MC4R: variants seen among roughly 807,000 people sequenced by gnomAD.
The protein encoded by MC4R is melanocortin 4 receptor, also known as melanocortin receptor 4.
MC4R carries 15 observed loss-of-function variants against 16.1 expected under a neutral mutation model. The observed-to-expected ratio is 0.93, with a 90% confidence interval of 0.62 to 1.44. The LOEUF (loss-of-function observed/expected upper bound fraction) is 1.44. Ranked by LOEUF, MC4R falls within the 40% of genes most tolerant of loss-of-function variation. The probability of loss-of-function intolerance (pLI) is 0.00; values close to 1 mark genes in which losing one functional copy is unlikely to be tolerated. For missense variants in MC4R, 416 were observed against 411.4 expected (o/e 1.01, Z -0.10); for synonymous variants, 162 against 151.7 (o/e 1.07, Z -0.50).
rs750662653 is a variant in MC4R at position 60,372,408 on chromosome 18, C to A, written c.-59G>T. The A allele has an allele frequency of 1.9e-6, 3 of 1,580,742 alleles. No homozygotes were observed. The African/African-American group carries it at 4.0e-5, about 21-fold the overall frequency. On this transcript the variant is annotated 5_prime_UTR_variant, in exon 1 of 1. Transcript: ENST00000299766. ...GATTTAACCTCCTGGGTCAGGGAGT[C>A]GTCTCAGTTATTTCCTCCAAGTCTT...
chr18:60,371,414 G>A lies in MC4R; in HGVS notation c.936C>T (p.Thr312=). Residue 312 remains threonine, a synonymous_variant, in exon 1 of 1, where the codon ACC becomes ACT. Coordinates refer to ENST00000299766, the MANE Select transcript of MC4R (RefSeq NM_005912.3). ...YALRSQELRK[T]FKEIICCYPL... ...GATAGCAACAGATGATCTCTTTGAA[G>A]GTTTTCCTCAGTTCTTGACTCCGGA... The A allele has an allele frequency of 6.2e-7, 1 of 1,614,168 alleles. No homozygotes were observed. Among genetic ancestry groups the A allele is most frequent in the Non-Finnish European group, 8.5e-7 (1 of 1,180,002 alleles).
Position 60,372,423 on chromosome 18 carries a change from C to T in MC4R, c.-74G>A. On this transcript the variant is annotated 5_prime_UTR_variant, in exon 1 of 1. Coordinates refer to ENST00000299766, the MANE Select transcript of MC4R (RefSeq NM_005912.3). ...GTCAGGGAGTCGTCTCAGTTATTTCCTCCAAGTCTTTATCTGTCTGAAAGT... is the reference window on the plus strand; with the variant it reads ...GTCAGGGAGTCGTCTCAGTTATTTCTTCCAAGTCTTTATCTGTCTGAAAGT... 1.3e-6 allele frequency: 2 copies of T among 1,525,210 alleles called. No individual in the cohort carries two copies. The highest frequency in any genetic ancestry group is 2.3e-5 in the East Asian group (1 of 43,356). The allele number at this position is 1,525,210 out of a possible 1,614,324, so 94.5% of individuals were successfully genotyped here. A position where few individuals can be genotyped will look rare whatever the true frequency, so the allele number is the denominator to read the frequency against.
Position 60,372,196 on chromosome 18 carries a change from C to G in MC4R, c.154G>C (p.Val52Leu). The part of the protein sequence containing the change: ...EQLFVSPEVF[V>L]TLGVISLLEN... ...AACAAGCTGATGACACCCAGAGTCA[C>G]AAACACCTCAGGAGAGACAAAAAGT... The change falls in exon 1 of 1, where the codon GTG becomes CTG. Residue 52 changes from valine (V) to leucine (L), a missense_variant. Transcript: ENST00000299766. The G allele has an allele frequency of 1.9e-6, 3 of 1,614,262 alleles. No individual in the cohort carries two copies. The highest frequency in any genetic ancestry group is 2.5e-6 in the Non-Finnish European group (3 of 1,180,044).
rs1305385636 is a variant in MC4R at position 60,372,640 on chromosome 18, C to T, written c.-291G>A. 1.1e-5 allele frequency: 5 copies of T among 465,934 alleles called. No homozygotes were observed. Among genetic ancestry groups the T allele is most frequent in the Admixed American group, 3.4e-5 (1 of 29,372 alleles). 28.9% of individuals were successfully genotyped at this position (465,934 alleles called of 1,614,324 possible). A position where few individuals can be genotyped will look rare whatever the true frequency, so the allele number is the denominator to read the frequency against. On this transcript the variant is annotated 5_prime_UTR_variant, in exon 1 of 1. Coordinates refer to ENST00000299766, the MANE Select transcript of MC4R (RefSeq NM_005912.3). ...TTCTCACTTCTGCTTTAACTTTAAT[C>T]TTATGCATTCAAGTCTGTTCAAAAT...
chr18:60,372,335 G>C lies in MC4R; in HGVS notation c.15C>G (p.Thr5=), dbSNP rs199862517. ...GCAGAGAAGTGTGCATCCCACGGTGGGTGGAGTTCACCATGCTGGCAGGAG... is the reference window on the plus strand; with the variant it reads ...GCAGAGAAGTGTGCATCCCACGGTGCGTGGAGTTCACCATGCTGGCAGGAG... The part of the protein sequence containing the change: MVNS[T]HRGMHTSLHL... Residue 5 remains threonine (T), a synonymous_variant, in exon 1 of 1, where the codon ACC becomes ACG. Transcript: ENST00000299766. 1 of 1,613,972 alleles carries C rather than the reference G, an allele frequency of 6.2e-7. No homozygotes were observed. The highest frequency in any genetic ancestry group is 1.3e-5 in the African/African-American group (1 of 74,898).
rs2143967235 is a variant in MC4R, at chr18:60,372,115, T to C, written c.235A>G (p.Met79Val). 3.7e-6 allele frequency: 6 copies of C among 1,614,258 alleles called. No individual in the cohort carries two copies. The highest frequency in any genetic ancestry group is 5.1e-6 in the Non-Finnish European group (6 of 1,180,042). Residue 79 changes from methionine to valine, a missense_variant, in exon 1 of 1, where the codon ATG (methionine) becomes GTG (valine). By Grantham distance (21) the Met-to-Val change is conservative. Transcript: ENST00000299766. ...GCCAAGCTGCAGATGAAAAAGTACATGGGTGAATGCAGATTCTTGTTCTTG... is the reference window on the plus strand; with the variant it reads ...GCCAAGCTGCAGATGAAAAAGTACACGGGTGAATGCAGATTCTTGTTCTTG... The part of the protein sequence containing the change: ...IAKNKNLHSP[M>V]YFFICSLAVA...
chr18:60,372,010 C>T lies in MC4R; in HGVS notation c.340G>A (p.Ala114Thr). Residue 114 changes from alanine (A) to threonine (T), a missense_variant, in exon 1 of 1, where the codon GCA (alanine) becomes ACA (threonine). Transcript: ENST00000299766. ...TCAATATTCACTGTGAAACTCTGTG[C>T]ATCCGTATCTGTACTGTTTAATAGG... ...ITLLNSTDTD[A>T]QSFTVNIDNV... 1 of 1,614,174 alleles carries T rather than the reference C, an allele frequency of 6.2e-7. No individual in the cohort carries two copies. Among genetic ancestry groups the T allele is most frequent in the Non-Finnish European group, 8.5e-7 (1 of 1,180,038 alleles).
Position 60,371,249 on chromosome 18 carries a change from C to A in MC4R, c.*102G>T. 1 of 1,206,616 alleles carries A rather than the reference C, an allele frequency of 8.3e-7. No individual in the cohort carries two copies. Among genetic ancestry groups the A allele is most frequent in the South Asian group, 1.2e-5 (1 of 82,094 alleles). The allele number at this position is 1,206,616 out of a possible 1,614,324, so 74.7% of individuals were successfully genotyped here. A position where few individuals can be genotyped will look rare whatever the true frequency, so the allele number is the denominator to read the frequency against. ...CACAATGGATATTCTCAACCAGTAC[C>A]CTACACGGAAGAGAAAGCTGTTGCA... On this transcript the variant is annotated 3_prime_UTR_variant, in exon 1 of 1. Coordinates refer to ENST00000299766, the MANE Select transcript of MC4R (RefSeq NM_005912.3).
Position 60,371,695 on chromosome 18 carries a change from C to T in MC4R, c.655G>A (p.Ala219Thr), listed in dbSNP as rs1915344558. ...ASLYVHMFLM[A>T]RLHIKRIAVL... ...GCAATCCTCTTAATGTGAAGCCTGGCCATCAGGAACATGTGGACATAGAGA... is the reference window on the plus strand; with the variant it reads ...GCAATCCTCTTAATGTGAAGCCTGGTCATCAGGAACATGTGGACATAGAGA... The change falls in exon 1 of 1, where the codon GCC (alanine) becomes ACC (threonine). Residue 219 changes from alanine (A) to threonine (T), a missense_variant. Physicochemically the swap from Ala to Thr is moderately conservative, Grantham distance 58. Coordinates refer to ENST00000299766, the MANE Select transcript of MC4R (RefSeq NM_005912.3). 6.2e-7 allele frequency: 1 copy of T among 1,614,138 alleles called. No homozygotes were observed. Among genetic ancestry groups the T allele is most frequent in the Non-Finnish European group, 8.5e-7 (1 of 1,180,032 alleles).
chr18:60,371,282 A>G lies in MC4R; in HGVS notation c.*69T>C. ...GAAGAGAAAGCTGTTGCAGAAGTAC[A>G]ATATTCAGGTAGGGTAAGAGTGAAA... is the stretch of plus-strand genomic sequence containing the variant. On this transcript the variant is annotated 3_prime_UTR_variant, in exon 1 of 1. Coordinates refer to ENST00000299766, the MANE Select transcript of MC4R (RefSeq NM_005912.3). 6.8e-7 allele frequency: 1 copy of G among 1,477,880 alleles called. No individual in the cohort carries two copies. The allele number at this position is 1,477,880 out of a possible 1,614,324, so 91.5% of individuals were successfully genotyped here. A position where few individuals can be genotyped will look rare whatever the true frequency, so the allele number is the denominator to read the frequency against.
rs1474963770 is a variant in MC4R at position 60,371,635 on chromosome 18, C to T, written c.715G>A (p.Ala239Thr). 2 of 1,614,206 alleles carry T rather than the reference C, an allele frequency of 1.2e-6. No homozygotes were observed. Among genetic ancestry groups the T allele is most frequent in the Non-Finnish European group, 8.5e-7 (1 of 1,180,034 alleles). Reference protein sequence around the residue: ...LPGTGAIRQGANMKGAITLTI... With the variant: ...LPGTGAIRQGTNMKGAITLTI... ...AAGGTAATCGCTCCCTTCATATTGG[C>T]ACCTTGGCGGATGGCACCAGTGCCG... The change falls in exon 1 of 1, where the codon GCC (alanine) becomes ACC (threonine). Residue 239 changes from alanine to threonine, a missense_variant. By Grantham distance (58) the Ala-to-Thr change is moderately conservative. Transcript: ENST00000299766.
Position 60,371,222 on chromosome 18 carries a change from T to G in MC4R, c.*129A>C, listed in dbSNP as rs1174138831. 1 of 983,094 alleles carries G rather than the reference T, an allele frequency of 1.0e-6. No homozygotes were observed. The highest frequency in any genetic ancestry group is 1.6e-6 in the Non-Finnish European group (1 of 629,258). The allele number at this position is 983,094 out of a possible 1,614,324, so 60.9% of individuals were successfully genotyped here. A position where few individuals can be genotyped will look rare whatever the true frequency, so the allele number is the denominator to read the frequency against. On this transcript the variant is annotated 3_prime_UTR_variant, in exon 1 of 1. Coordinates refer to ENST00000299766, the MANE Select transcript of MC4R (RefSeq NM_005912.3). ...TCATTAAAAATCATAGGCTTAAATT[T>G]ACACAATGGATATTCTCAACCAGTA...
At position 60,371,401 on chromosome 18, in the gene MC4R, T is replaced by A. The variant is rs778685158; in HGVS notation, c.949A>T (p.Ile317Phe). The change falls in exon 1 of 1, where the codon ATC (isoleucine) becomes TTC (phenylalanine). Residue 317 changes from isoleucine to phenylalanine, a missense_variant. By Grantham distance (21) the Ile-to-Phe change is conservative (BLOSUM62 0). Transcript: ENST00000299766. Reference sequence around the variant, plus strand: ...AGGCCTCCCAGGGGATAGCAACAGATGATCTCTTTGAAGGTTTTCCTCAGT... The same window carrying A: ...AGGCCTCCCAGGGGATAGCAACAGAAGATCTCTTTGAAGGTTTTCCTCAGT... Reference protein sequence around the residue: ...QELRKTFKEIICCYPLGGLCD... With the variant: ...QELRKTFKEIFCCYPLGGLCD... 2 of 1,614,110 alleles carry A rather than the reference T, an allele frequency of 1.2e-6. No homozygotes were observed. The highest frequency in any genetic ancestry group is 4.5e-5 in the East Asian group (2 of 44,898).
Position 60,372,111 on chromosome 18 carries a change from T to A in MC4R, c.239A>T (p.Tyr80Phe), listed in dbSNP as rs1368643838. 6.2e-7 allele frequency: 1 copy of A among 1,614,240 alleles called. No homozygotes were observed. Among genetic ancestry groups the A allele is most frequent in the Non-Finnish European group, 8.5e-7 (1 of 1,180,042 alleles). The change falls in exon 1 of 1, where the codon TAC becomes TTC. Residue 80 changes from tyrosine (Y) to phenylalanine (F), a missense_variant. Tyr to Phe is a conservative substitution (Grantham distance 22, BLOSUM62 3). Coordinates refer to ENST00000299766, the MANE Select transcript of MC4R (RefSeq NM_005912.3). ...AKNKNLHSPM[Y>F]FFICSLAVAD... ...CACAGCCAAGCTGCAGATGAAAAAGTACATGGGTGAATGCAGATTCTTGTT... is the reference window on the plus strand; with the variant it reads ...CACAGCCAAGCTGCAGATGAAAAAGAACATGGGTGAATGCAGATTCTTGTT...
At position 60,372,252 on chromosome 18, in the gene MC4R, T is replaced by C; in HGVS notation, c.98A>G (p.Lys33Arg). 1 of 1,614,196 alleles carries C rather than the reference T, an allele frequency of 6.2e-7. No individual in the cohort carries two copies. Among genetic ancestry groups the C allele is most frequent in the Non-Finnish European group, 8.5e-7 (1 of 1,180,026 alleles). ...LHSNASESLG[K>R]GYSDGGCYEQ... ...GTAGCACCCTCCATCAGAGTAGCCT[T>C]TTCCAAGGGACTCACTGGCATTGCT... The change falls in exon 1 of 1, where the codon AAA (lysine) becomes AGA (arginine). Residue 33 changes from lysine to arginine, a missense_variant. Lys to Arg is a conservative substitution (Grantham distance 26). Coordinates refer to ENST00000299766, the MANE Select transcript of MC4R (RefSeq NM_005912.3).
In MC4R at chr18:60,371,214, C is replaced by G. The variant is rs1425550098; in HGVS notation, c.*137G>C. 1 of 927,772 alleles carries G rather than the reference C, an allele frequency of 1.1e-6. No homozygotes were observed. Among genetic ancestry groups the G allele is most frequent in the Admixed American group, 2.0e-5 (1 of 50,642 alleles). 57.5% of individuals were successfully genotyped at this position (927,772 alleles called of 1,614,324 possible). Reference sequence around the variant, plus strand: ...ATTTTTTCTCATTAAAAATCATAGGCTTAAATTTACACAATGGATATTCTC... The same window carrying G: ...ATTTTTTCTCATTAAAAATCATAGGGTTAAATTTACACAATGGATATTCTC... On this transcript the variant is annotated 3_prime_UTR_variant, in exon 1 of 1. Transcript: ENST00000299766.
Position 60,372,352 on chromosome 18 carries a change from T to TG in MC4R, c.-4dup. The TG allele has an allele frequency of 6.2e-7, 1 of 1,614,018 alleles. No homozygotes were observed. Among genetic ancestry groups the TG allele is most frequent in the Non-Finnish European group, 8.5e-7 (1 of 1,180,010 alleles). ...CCACGGTGGGTGGAGTTCACCATGC[T>TG]GGCAGGAGAATTCCAGTGTCCCCCT... On this transcript the variant is annotated 5_prime_UTR_variant, in exon 1 of 1. Coordinates refer to ENST00000299766, the MANE Select transcript of MC4R (RefSeq NM_005912.3).
rs752820152 is a variant in MC4R at position 60,371,649 on chromosome 18, G to T, written c.701C>A (p.Ala234Asp). The T allele has an allele frequency of 6.2e-7, 1 of 1,614,204 alleles. No homozygotes were observed. The highest frequency in any genetic ancestry group is 8.5e-7 in the Non-Finnish European group (1 of 1,180,032). The change falls in exon 1 of 1, where the codon GCC (alanine) becomes GAC (aspartate). Residue 234 changes from alanine to aspartate, a missense_variant. Physicochemically the swap from Ala to Asp is moderately radical, Grantham distance 126 (BLOSUM62 -2). Coordinates refer to ENST00000299766, the MANE Select transcript of MC4R (RefSeq NM_005912.3). ...CTTCATATTGGCACCTTGGCGGATG[G>T]CACCAGTGCCGGGGAGGACAGCAAT... Reference protein sequence around the residue: ...KRIAVLPGTGAIRQGANMKGA... With the variant: ...KRIAVLPGTGDIRQGANMKGA...
chr18:60,372,563 G>C lies in MC4R; in HGVS notation c.-214C>G. 1 of 607,264 alleles carries C rather than the reference G, an allele frequency of 1.6e-6. No homozygotes were observed. Among genetic ancestry groups the C allele is most frequent in the Non-Finnish European group, 3.0e-6 (1 of 334,302 alleles). 37.6% of individuals were successfully genotyped at this position (607,264 alleles called of 1,614,324 possible). A position where few individuals can be genotyped will look rare whatever the true frequency, so the allele number is the denominator to read the frequency against. ...CTAATCATCATCACTTTAAAATCTT[G>C]GGCTTCAAAATATTCATTCTCAGTT... On this transcript the variant is annotated 5_prime_UTR_variant, in exon 1 of 1. Transcript: ENST00000299766.
Sources: allele counts gnomAD v4.1 joint callset, GRCh38; gene constraint gnomAD v4.1.1; transcripts MANE v1.5; gene names NCBI Gene and HGNC (gene_info 2026-07-23, HGNC 2026-07-21).